IQCM: variants seen among roughly 807,000 people sequenced by gnomAD.
The protein encoded by IQCM is IQ motif containing M.
Under a neutral mutation model 57.6 loss-of-function variants are expected in IQCM, and 45 were observed. That is an observed-to-expected ratio of 0.78 (90% CI 0.62 to 1.00). The LOEUF (loss-of-function observed/expected upper bound fraction) is 1.00, where lower values mean the gene tolerates loss of function less well. Among genes scored for constraint, IQCM ranks in the 50% least tolerant of loss-of-function variants. The pLI, the probability that IQCM is intolerant of heterozygous loss-of-function variation, is 0.00. For synonymous variants in IQCM, 148 were observed against 158.9 expected, an observed-to-expected ratio of 0.93 and a Z score of 0.51; for missense variants, 468 against 511.6, an observed-to-expected ratio of 0.91 and a Z score of 0.82.
intron 6 of IQCM, among the ~76,000 whole-genome samples, chr4:149,682,416 G>A (rs1048640773): frequency 9.9e-5 from 15 of 151,036 alleles, no homozygotes; most frequent in East Asian, 1.9e-4. Context: ...GTTCTGAGAC[G>A]AATAACAAAT....
intron 2 of IQCM, among the ~76,000 whole-genome samples, chr4:149,808,757 C>T (rs1410933043): frequency 6.6e-6 from 1 of 151,966 alleles, no homozygotes. Context: ...TGATGAAGTG[C>T]TTATTTTTAA....
intron 10 of IQCM, among the ~76,000 whole-genome samples, chr4:149,558,395 G>T (rs2149922685): frequency 6.6e-6 from 1 of 152,226 alleles, no homozygotes; most frequent in Admixed American, 6.5e-5. Flanking sequence ...TCACTCTCTT[G>T]AAAATAATTT....
chr4:149,775,087 G>A (rs1011288924), intron 2 of IQCM, among the ~76,000 whole-genome samples: 12 of 146,770 alleles, frequency 8.2e-5, no homozygotes, highest in African/African-American at 3.0e-4. Context: ...AGACAATGCA[G>A]CAACTTTGCA....
At chr4:149,511,136 G>T (rs1447312184) in intron 12 of IQCM, among the ~76,000 whole-genome samples, 2 of 152,122 alleles carry the variant, frequency 1.3e-5, no homozygotes, top group African/African-American at 2.4e-5. Flanking sequence ...ACATGTCTAT[G>T]ATATTCTTCC....
intron 2 of IQCM, among the ~76,000 whole-genome samples, chr4:149,745,068 C>A (rs1396693816): frequency 1.3e-5 from 2 of 152,064 alleles, no homozygotes; most frequent in Non-Finnish European, 2.9e-5. Context: ...TAATCAGAAC[C>A]AAATGCTGGC....
intron 2 of IQCM, among the ~76,000 whole-genome samples, chr4:149,744,899 T>A (rs182908940): frequency 6.6e-6 from 1 of 152,252 alleles, no homozygotes; most frequent in Admixed American, 6.5e-5. Flanking sequence ...GTATGCCAGA[T>A]GTCATAAGGA....
At chr4:149,575,155 T>TA (rs1204579524) in intron 9 of IQCM, among the ~76,000 whole-genome samples, 1 of 151,940 alleles carries the variant, frequency 6.6e-6, no homozygotes, top group Admixed American at 6.6e-5. Flanking sequence ...TAGAAACATG[T>TA]GATACTCTTG....
At chr4:149,769,255 C>A (rs551703334) in intron 2 of IQCM, among the ~76,000 whole-genome samples, 1 of 151,968 alleles carries the variant, frequency 6.6e-6, no homozygotes, top group African/African-American at 2.4e-5. Flanking sequence ...CTCCTGAACA[C>A]GTAGTTCTGA....
intron 7 of IQCM, among the ~76,000 whole-genome samples, chr4:149,632,237 T>C (rs1037024423): frequency 2.2e-4 from 33 of 152,234 alleles, no homozygotes; most frequent in African/African-American, 7.7e-4. Context: ...GAAACAGACC[T>C]GAACGTTTGG....
chr4:149,430,757 A>G (rs1049003139), intron 13 of IQCM, among the ~76,000 whole-genome samples: 13 of 151,970 alleles, frequency 8.6e-5, no homozygotes, highest in African/African-American at 3.1e-4. Context: ...GTAAGTAGTT[A>G]TTTGAGTTGT....
intron 12 of IQCM, among the ~76,000 whole-genome samples, chr4:149,439,915 A>G (rs1415224496): frequency 6.6e-6 from 1 of 151,158 alleles, no homozygotes; most frequent in Non-Finnish European, 1.5e-5. Context: ...AAAAAAATTT[A>G]CCTCACAGGT....
At chr4:149,487,712 G>T (rs561151005) in intron 12 of IQCM, among the ~76,000 whole-genome samples, 1 of 152,130 alleles carries the variant, frequency 6.6e-6, no homozygotes, top group Admixed American at 6.5e-5. Flanking sequence ...ACTGTGACAG[G>T]GCAACACTGA....
intron 12 of IQCM, among the ~76,000 whole-genome samples, chr4:149,457,658 T>A (rs1015626883): frequency 6.6e-6 from 1 of 152,014 alleles, no homozygotes; most frequent in South Asian, 2.1e-4. Flanking sequence ...AGAAGTATGA[T>A]CAAAATATAG....
intron 8 of IQCM, among the ~76,000 whole-genome samples, chr4:149,593,216 C>A (rs1275301312): frequency 6.6e-6 from 1 of 152,010 alleles, no homozygotes; most frequent in African/African-American, 2.4e-5. Context: ...CTCTTTGAAG[C>A]AATTGTGAAT....
chr4:149,379,156 A>T (rs905892463), intron 13 of IQCM, among the ~76,000 whole-genome samples: 2 of 152,236 alleles, frequency 1.3e-5, no homozygotes, highest in Admixed American at 1.3e-4. Flanking sequence ...ATGTCCAGGC[A>T]GACATTTGTT....
At chr4:149,378,970 C>G (rs1277152494) in intron 13 of IQCM, among the ~76,000 whole-genome samples, 1 of 152,178 alleles carries the variant, frequency 6.6e-6, no homozygotes, top group Non-Finnish European at 1.5e-5. Flanking sequence ...TGCATCTCTG[C>G]CACTCCAGCT....
At chr4:149,648,744 G>A (rs1384371075) in intron 7 of IQCM, among the ~76,000 whole-genome samples, 1 of 152,056 alleles carries the variant, frequency 6.6e-6, no homozygotes, top group Admixed American at 6.6e-5. Context: ...ACTGGGGCCT[G>A]TTGTGGGGTG....
chr4:149,397,288 T>C (rs1399883126), intron 13 of IQCM, among the ~76,000 whole-genome samples: 2 of 151,948 alleles, frequency 1.3e-5, no homozygotes, highest in East Asian at 3.9e-4. Flanking sequence ...TGCATTTCCC[T>C]GATGATTAGT....
At position 149,788,232 on chromosome 4, in the gene IQCM, G is replaced by A. The variant is rs189725495; in HGVS notation, c.-49+27079C>T. Among the ~76,000 whole-genome samples the A allele has an allele frequency of 1.5e-3, 227 of 152,296 alleles. 2 individuals are homozygous for A. Among genetic ancestry groups the A allele is most frequent in the African/African-American group, 5.4e-3 (224 of 41,572 alleles). On this transcript the variant is annotated intron_variant, in intron 2 of 13. Transcript: ENST00000636793. ...GTCTGTAATCCCAGCTACTTGGAAG[G>A]CTAAGGCAGGAGGATCGCTTGAACC...
Sources: allele counts gnomAD v4.1 joint callset (sites outside exome capture counted in the v4.1 genomes callset), GRCh38; gene constraint gnomAD v4.1.1; transcripts MANE v1.5; gene names NCBI Gene and HGNC (gene_info 2026-07-23, HGNC 2026-07-21).